APPBP2: variants seen among roughly 807,000 people sequenced by gnomAD.
APPBP2 encodes amyloid protein-binding protein 2.
APPBP2 carries 15 observed loss-of-function variants against 76.0 expected under a neutral mutation model. The ratio of observed to expected loss-of-function variants is 0.20; its 90% confidence interval spans 0.13 to 0.30. The LOEUF (loss-of-function observed/expected upper bound fraction) is 0.30. Among genes scored for constraint, APPBP2 ranks in the 10% least tolerant of loss-of-function variants. The pLI, the probability that APPBP2 is intolerant of heterozygous loss-of-function variation, is 1.00. For synonymous variants in APPBP2, 222 were observed against 242.2 expected (o/e 0.92, Z 0.77); for missense variants, 401 against 687.2 (o/e 0.58, Z 4.66).
At chr17:60,497,320 AGAG>A (rs1183042093) in intron 2 of APPBP2, among the ~76,000 whole-genome samples, 1 of 152,170 alleles carries the variant, frequency 6.6e-6, no homozygotes, top group Admixed American at 6.5e-5. Context: ...ATGGATATAG[AGAG>A]GAGAAGGATG....
rs1045219936 is a variant in APPBP2 at position 60,479,191 on chromosome 17, C to G, written c.460G>C (p.Asp154His). Residue 154 changes from aspartate to histidine, a missense_variant, in exon 4 of 13, where the codon GAT (aspartate) becomes CAT (histidine). Asp to His is a moderately conservative substitution (Grantham distance 81). Coordinates refer to ENST00000083182, the MANE Select transcript of APPBP2 (RefSeq NM_006380.5). Reference sequence around the variant, plus strand: ...GCACGAAACCAATGAAGCATCTCATCGTGTAGAGTACACAACTGAAGGCAG... The same window carrying G: ...GCACGAAACCAATGAAGCATCTCATGGTGTAGAGTACACAACTGAAGGCAG... ...LSCLQLCTLH[D>H]EMLHWFRAVE... The G allele has an allele frequency of 1.2e-6, 2 of 1,613,762 alleles. No individual in the cohort carries two copies. Among genetic ancestry groups the G allele is most frequent in the South Asian group, 2.2e-5 (2 of 91,026 alleles).
chr17:60,524,650 G>A (rs892863225), intron 1 of APPBP2, among the ~76,000 whole-genome samples: 12 of 131,242 alleles, frequency 9.1e-5, no homozygotes, highest in Non-Finnish European at 1.5e-4. Flanking sequence ...TAGGGGTGGA[G>A]AAAGCAGGCA....
At chr17:60,452,137 C>T in intron 11 of APPBP2, 92 bp from the exon 12 acceptor site, 1 of 1,277,898 alleles carries the variant, frequency 7.8e-7, no homozygotes, top group South Asian at 1.3e-5. Flanking sequence ...ATGCCAAAGA[C>T]ATCTTATGAA....
At chr17:60,463,193 A>G (rs555267742) in intron 6 of APPBP2, among the ~76,000 whole-genome samples, 74 of 152,322 alleles carry the variant, frequency 4.9e-4, no homozygotes, top group African/African-American at 1.7e-3. Flanking sequence ...TTGAATTTCC[A>G]TAAGTAAAAT....
intron 4 of APPBP2, among the ~76,000 whole-genome samples, chr17:60,474,263 C>G (rs1230436008): frequency 6.6e-6 from 1 of 151,816 alleles, no homozygotes; most frequent in Non-Finnish European, 1.5e-5. Flanking sequence ...CTCCACCTCC[C>G]AGGTTCAAGC....
At position 60,443,553 on chromosome 17, in the gene APPBP2, TCATAA is replaced by T. The variant is rs1215940707; in HGVS notation, c.*4023_*4027del. On this transcript the variant is annotated 3_prime_UTR_variant, in exon 13 of 13. Transcript: ENST00000083182. The stretch of plus-strand genomic sequence containing the variant: ...TAATAAAACGTAGCATTCATTCACA[TCATAA>T]AAGTAGAACTGAAAAGTTTTAGTTA... The T allele has an allele frequency of 1.3e-5, 2 of 152,622 alleles. No individual in the cohort carries two copies. The highest frequency in any genetic ancestry group is 4.8e-5 in the African/African-American group (2 of 41,442). 9.5% of individuals were successfully genotyped at this position (152,622 alleles called of 1,614,324 possible). A position where few individuals can be genotyped will look rare whatever the true frequency, so the allele number is the denominator to read the frequency against.
chr17:60,522,811 C>T (rs772524547), intron 1 of APPBP2, among the ~76,000 whole-genome samples: 37 of 152,024 alleles, frequency 2.4e-4, no homozygotes, highest in African/African-American at 8.0e-4. Context: ...CAACCTCATT[C>T]TCTTGGTTTC....
At chr17:60,515,138 C>T (rs1481228332) in intron 1 of APPBP2, among the ~76,000 whole-genome samples, 67 of 119,350 alleles carry the variant, frequency 5.6e-4, no homozygotes, top group African/African-American at 2.3e-3. Context: ...TTTTTTGAGA[C>T]AGAGTCTCAC....
At chr17:60,519,128 A>T (rs2090988207) in intron 1 of APPBP2, among the ~76,000 whole-genome samples, 1 of 146,568 alleles carries the variant, frequency 6.8e-6, no homozygotes, top group Non-Finnish European at 1.5e-5. Flanking sequence ...CACCTGAATA[A>T]ATTTTTTTTT....
intron 10 of APPBP2, among the ~76,000 whole-genome samples, chr17:60,455,823 G>C (rs1336910119): frequency 6.9e-6 from 1 of 144,992 alleles, no homozygotes; most frequent in African/African-American, 2.9e-5. Context: ...TGTTGCCTAG[G>C]CTGGAGTGCA....
intron 1 of APPBP2, among the ~76,000 whole-genome samples, chr17:60,523,429 C>G (rs1299257426): frequency 6.6e-6 from 1 of 151,978 alleles, no homozygotes; most frequent in African/African-American, 2.4e-5. Context: ...CCCAGGGGTT[C>G]AAGGTTGCGG....
intron 3 of APPBP2, among the ~76,000 whole-genome samples, chr17:60,493,416 T>C (rs754561184): frequency 5.9e-5 from 9 of 152,178 alleles, no homozygotes; most frequent in Non-Finnish European, 1.2e-4. Context: ...CCATATAAAA[T>C]TGTATACATA....
intron 1 of APPBP2, among the ~76,000 whole-genome samples, chr17:60,501,854 A>G (rs761044663): frequency 1.3e-5 from 2 of 152,172 alleles, no homozygotes; most frequent in Non-Finnish European, 2.9e-5. Context: ...ACTAGTCACA[A>G]TGGAGGTCAG....
chr17:60,518,360 T>C (rs1262568722), intron 1 of APPBP2, among the ~76,000 whole-genome samples: 1 of 19,910 alleles, frequency 5.0e-5, no homozygotes, highest in Non-Finnish European at 1.0e-4. Flanking sequence ...TGTGCGTGCG[T>C]GTGTGTGTGT....
rs890705625 is a variant in APPBP2 at position 60,445,008 on chromosome 17, C to T, written c.*2573G>A. On this transcript the variant is annotated 3_prime_UTR_variant, in exon 13 of 13. Transcript: ENST00000083182. The stretch of plus-strand genomic sequence containing the variant: ...TTTTCTTCAAGATTTTTAAGAAACC[C>T]AATAAATCATAGTGGCACACATCTA... 23 of 152,018 alleles carry T rather than the reference C, an allele frequency of 1.5e-4. No individual in the cohort carries two copies. Among genetic ancestry groups the T allele is most frequent in the African/African-American group, 5.3e-4 (22 of 41,388 alleles). 9.4% of individuals were successfully genotyped at this position (152,018 alleles called of 1,614,324 possible).
At chr17:60,509,367 A>G (rs1199275786) in intron 1 of APPBP2, among the ~76,000 whole-genome samples, 1 of 151,656 alleles carries the variant, frequency 6.6e-6, no homozygotes, top group African/African-American at 2.4e-5. Context: ...CGACAGAGCG[A>G]GACTCCGTCT....
chr17:60,480,801 G>C (rs1331343875), intron 3 of APPBP2, among the ~76,000 whole-genome samples: 1 of 152,136 alleles, frequency 6.6e-6, no homozygotes. Flanking sequence ...TTTGCTAGCT[G>C]GCTCCGTTTG....
At chr17:60,493,339 C>T (rs1262001013) in intron 3 of APPBP2, among the ~76,000 whole-genome samples, 1 of 151,828 alleles carries the variant, frequency 6.6e-6, no homozygotes, top group Non-Finnish European at 1.5e-5. Flanking sequence ...ACAAAATAAA[C>T]AAAAAAGGTA....
chr17:60,468,847 C>A (rs1441344762), intron 4 of APPBP2, among the ~76,000 whole-genome samples: 1 of 152,144 alleles, frequency 6.6e-6, no homozygotes, highest in Non-Finnish European at 1.5e-5. Flanking sequence ...CTGATCAACA[C>A]CTACTGTCAA....
Sources: gnomAD v4.1 joint callset for allele counts (sites outside exome capture counted in the v4.1 genomes callset) on GRCh38, gnomAD v4.1.1 for gene constraint, MANE v1.5 for transcripts, NCBI Gene and HGNC (gene_info 2026-07-23, HGNC 2026-07-21) for gene names.